Variants in SCHIP1 observed in about 807,000 individuals in gnomAD.
SCHIP1 encodes the protein schwannomin-interacting protein 1.
SCHIP1 carries 8 observed loss-of-function variants against 29.7 expected under a neutral mutation model. The ratio of observed to expected loss-of-function variants is 0.27; its 90% CI spans 0.16 to 0.49. The LOEUF is 0.49. SCHIP1 is among the 20% of genes least tolerant of loss of function. The pLI, the probability that SCHIP1 is intolerant of heterozygous loss-of-function variation, is 0.99. For missense variants in SCHIP1, 193 were observed against 294.6 expected (o/e 0.66, Z 2.52); for synonymous variants, 76 against 94.9 (o/e 0.80, Z 1.16).
exon 6 of SCHIP1, chr3:159,892,173 C>T: frequency 6.2e-7 from 1 of 1,614,138 alleles, no homozygotes; most frequent in Non-Finnish European, 8.5e-7. Flanking sequence ...TGCTGGTGGA[C>T]ATTGAAGACT....
chr3:159,626,143 T>G, the SCHIP1 span, among the ~76,000 whole-genome samples: 57 of 114,546 alleles, frequency 5.0e-4, 1 homozygote, highest in South Asian at 7.7e-3. Context: ...GATAGATATA[T>G]CTAGATATAT....
At chr3:159,663,621 T>A in the SCHIP1 span, among the ~76,000 whole-genome samples, 1 of 152,264 alleles carries the variant, frequency 6.6e-6, no homozygotes, top group Admixed American at 6.5e-5. Flanking sequence ...GTAATATATG[T>A]TTTTGTGTGT....
chr3:159,849,047 G>A (rs1026180683), intron 1 of SCHIP1, among the ~76,000 whole-genome samples: 1 of 139,130 alleles, frequency 7.2e-6, no homozygotes, highest in Non-Finnish European at 1.6e-5. Context: ...GCTTATTAGA[G>A]AACACTTACG....
chr3:159,496,670 A>G, the SCHIP1 span, among the ~76,000 whole-genome samples: 16 of 152,248 alleles, frequency 1.1e-4, no homozygotes, highest in Admixed American at 4.6e-4. Context: ...CTGTACACTA[A>G]TTCAACCATT....
the SCHIP1 span, chr3:159,764,291 G>A: frequency 2.3e-5 from 20 of 858,848 alleles, no homozygotes; most frequent in Non-Finnish European, 3.1e-5. The surrounding 1 kb of genome is among the most constrained non-coding windows in gnomAD (Gnocchi z 6.1). Flanking sequence ...CCTCAGGCTG[G>A]TGCTGGCTCC....
chr3:159,402,900 G>C, the SCHIP1 span, among the ~76,000 whole-genome samples: 1 of 151,946 alleles, frequency 6.6e-6, no homozygotes, highest in Non-Finnish European at 1.5e-5. Context: ...CCTGCATGTT[G>C]TGCACAGGTC....
the SCHIP1 span, among the ~76,000 whole-genome samples, chr3:159,672,276 A>G: frequency 1.3e-5 from 2 of 152,236 alleles, no homozygotes; most frequent in African/African-American, 4.8e-5. Context: ...TTCTTGGAAC[A>G]TAGTAAGCAC....
At chr3:159,687,649 A>G in the SCHIP1 span, among the ~76,000 whole-genome samples, 6 of 152,118 alleles carry the variant, frequency 3.9e-5, no homozygotes, top group Admixed American at 1.3e-4. Flanking sequence ...TGTGCAGAAC[A>G]TGCAGGTTTG....
the SCHIP1 span, among the ~76,000 whole-genome samples, chr3:159,425,106 A>G: frequency 1.3e-5 from 2 of 151,960 alleles, no homozygotes; most frequent in African/African-American, 2.4e-5. Context: ...TGTAAAGACC[A>G]TCGAGACTAG....
the SCHIP1 span, among the ~76,000 whole-genome samples, chr3:159,551,931 T>C: frequency 2.6e-5 from 4 of 152,172 alleles, no homozygotes; most frequent in Non-Finnish European, 5.9e-5. Context: ...CTAAATGTTT[T>C]GTGATACTTA....
the SCHIP1 span, among the ~76,000 whole-genome samples, chr3:159,465,917 G>A: frequency 1.3e-5 from 2 of 152,038 alleles, no homozygotes; most frequent in East Asian, 1.9e-4. Context: ...TAAATAAAAT[G>A]AACAATTAAC....
At chr3:159,809,145 C>T in the SCHIP1 span, among the ~76,000 whole-genome samples, 1 of 150,986 alleles carries the variant, frequency 6.6e-6, no homozygotes, top group East Asian at 1.9e-4. Context: ...AGCCCCCAAC[C>T]CCCCGCAACA....
the SCHIP1 span, among the ~76,000 whole-genome samples, chr3:159,335,081 G>T: frequency 3.4e-4 from 51 of 151,924 alleles, 2 homozygotes; most frequent in South Asian, 8.3e-3. Flanking sequence ...TATATTTTTA[G>T]TAGAGCCAGG....
chr3:159,648,544 T>C, the SCHIP1 span, among the ~76,000 whole-genome samples: 1 of 152,172 alleles, frequency 6.6e-6, no homozygotes, highest in Non-Finnish European at 1.5e-5. Flanking sequence ...TAGCTAATAG[T>C]ATTATTATAG....
the SCHIP1 span, among the ~76,000 whole-genome samples, chr3:159,624,628 C>T: frequency 2.0e-5 from 3 of 152,042 alleles, no homozygotes; most frequent in Non-Finnish European, 4.4e-5. Context: ...CACCTAAGGC[C>T]GTGGAGATTG....
chr3:159,419,611 C>T, the SCHIP1 span, among the ~76,000 whole-genome samples: 3 of 152,124 alleles, frequency 2.0e-5, no homozygotes, highest in African/African-American at 7.2e-5. Context: ...GAGTCCAGGA[C>T]CAGCCTGGCC....
At chr3:159,859,976 G>GGTGTGT (rs35639147) in intron 1 of SCHIP1, among the ~76,000 whole-genome samples, 6 of 149,940 alleles carry the variant, frequency 4.0e-5, no homozygotes, top group South Asian at 2.1e-4. Context: ...TGTGTGACAG[G>GGTGTGT]GTGTGTGTGT....
At chr3:159,864,870 G>A (rs1714454920) in intron 1 of SCHIP1, among the ~76,000 whole-genome samples, 1 of 152,156 alleles carries the variant, frequency 6.6e-6, no homozygotes, top group Non-Finnish European at 1.5e-5. Context: ...AAATGAGGTA[G>A]TGTGCCCGAA....
the SCHIP1 span, among the ~76,000 whole-genome samples, chr3:159,600,642 C>A: frequency 6.6e-6 from 1 of 152,040 alleles, no homozygotes; most frequent in Non-Finnish European, 1.5e-5. Flanking sequence ...ATTTAAAAAT[C>A]AATATTCTGA....
Sources: allele counts gnomAD v4.1 joint callset (sites outside exome capture counted in the v4.1 genomes callset), GRCh38; gene constraint gnomAD v4.1.1; non-coding constraint Gnocchi (gnomAD v3.1); transcripts MANE v1.5; gene names NCBI Gene and HGNC (gene_info 2026-07-23, HGNC 2026-07-21).